The following EYA1 variants were observed in gnomAD, a reference collection of about 807,000 sequenced individuals.
The protein encoded by EYA1 is protein phosphatase EYA1.
A neutral mutation model predicts 82.0 loss-of-function variants in EYA1; 16 were observed. That is an observed-to-expected ratio of 0.20 (90% CI 0.13 to 0.30). EYA1 has a LOEUF of 0.30. EYA1 is among the 10% of genes least tolerant of loss of function. The pLI, the probability that EYA1 is intolerant of heterozygous loss-of-function variation, is 1.00. For synonymous variants in EYA1, 261 were observed against 264.4 expected (o/e 0.99, Z 0.12); for missense variants, 633 against 730.7 (o/e 0.87, Z 1.54).
At chr8:71,502,064 G>C (rs1458249201) in intron 2 of EYA1, among the ~76,000 whole-genome samples, 1 of 152,178 alleles carries the variant, frequency 6.6e-6, no homozygotes, top group Non-Finnish European at 1.5e-5. Flanking sequence ...TTAGGTGCTT[G>C]ATAAGTGTTT....
chr8:71,393,100 T>C (rs1310355930), intron 2 of EYA1, among the ~76,000 whole-genome samples: 5 of 152,144 alleles, frequency 3.3e-5, no homozygotes, highest in Admixed American at 6.6e-5. Flanking sequence ...TATGTACCTC[T>C]ATTTTCAATC....
At chr8:71,454,506 C>A (rs182866119) in intron 2 of EYA1, among the ~76,000 whole-genome samples, 71 of 152,228 alleles carry the variant, frequency 4.7e-4, no homozygotes, top group African/African-American at 1.7e-3. Flanking sequence ...CAAAATTGAC[C>A]ACGAAGTTGG....
chr8:71,353,327 T>A (rs1363077546), intron 3 of EYA1, among the ~76,000 whole-genome samples: 1 of 152,228 alleles, frequency 6.6e-6, no homozygotes, highest in African/African-American at 2.4e-5. Flanking sequence ...GAAATAGGAC[T>A]GCTTGCTTTA....
At chr8:71,205,609 A>C (rs1350674635) in intron 17 of EYA1, among the ~76,000 whole-genome samples, 1 of 152,202 alleles carries the variant, frequency 6.6e-6, no homozygotes, top group East Asian at 1.9e-4. Flanking sequence ...TCTTTGAAGG[A>C]GGTACTTTTT....
At chr8:71,536,767 A>G (rs545812055) in intron 1 of EYA1, among the ~76,000 whole-genome samples, 2 of 152,220 alleles carry the variant, frequency 1.3e-5, no homozygotes, top group African/African-American at 2.4e-5. Flanking sequence ...TAACTTCAGT[A>G]TCACTTTTTA....
intron 3 of EYA1, among the ~76,000 whole-genome samples, chr8:71,339,322 C>T (rs147686630): frequency 1.3e-5 from 2 of 152,208 alleles, no homozygotes; most frequent in Non-Finnish European, 2.9e-5. Flanking sequence ...TCAGGATGGG[C>T]AATCTCTCAT....
intron 2 of EYA1, among the ~76,000 whole-genome samples, chr8:71,423,790 T>C (rs948603466): frequency 6.6e-6 from 1 of 152,216 alleles, no homozygotes; most frequent in Admixed American, 6.5e-5. Flanking sequence ...CAGAAGACTC[T>C]TGATTCAAAA....
At chr8:71,410,194 ACT>A (rs1472384052) in intron 2 of EYA1, among the ~76,000 whole-genome samples, 4 of 139,082 alleles carry the variant, frequency 2.9e-5, no homozygotes, top group African/African-American at 1.1e-4. Flanking sequence ...CATGCTAAAA[ACT>A]CTCAATAAAT....
At chr8:71,527,703 G>C (rs545621910) in intron 2 of EYA1, among the ~76,000 whole-genome samples, 3 of 152,184 alleles carry the variant, frequency 2.0e-5, no homozygotes, top group Non-Finnish European at 4.4e-5. Flanking sequence ...GGCTCACTGA[G>C]GTAACAACAG....
intron 2 of EYA1, among the ~76,000 whole-genome samples, chr8:71,477,011 T>C (rs982983719): frequency 3.9e-5 from 6 of 152,012 alleles, no homozygotes; most frequent in Non-Finnish European, 7.4e-5. Flanking sequence ...TTTGGAACAA[T>C]TGGATATCCT....
chr8:71,347,341 G>A (rs1487395281), intron 3 of EYA1, among the ~76,000 whole-genome samples: 1 of 147,204 alleles, frequency 6.8e-6, no homozygotes, highest in East Asian at 1.9e-4. Flanking sequence ...TATTTATTTT[G>A]AGATAGAGTC....
chr8:71,333,224 C>G (rs181841555), intron 4 of EYA1, among the ~76,000 whole-genome samples: 1 of 152,262 alleles, frequency 6.6e-6, no homozygotes, highest in East Asian at 1.9e-4. Flanking sequence ...ATTTTTATCA[C>G]TTTCACCTGG....
Position 71,507,251 on chromosome 8 carries a change from G to T in EYA1, c.33+28493C>A, listed in dbSNP as rs150242142. ...TAAGACATTTGCCCAAGGTCACAGA[G>T]CTGGTAAGTGTTACAGCCTAAATTT... On this transcript the variant is annotated intron_variant, in intron 2 of 18. Coordinates refer to the EYA1 transcript ENST00000643681. 5.0e-3 allele frequency among the ~76,000 whole-genome samples: 754 copies of T among 152,294 alleles called. 12 individuals carry two copies. The highest frequency in any genetic ancestry group is 0.018 in the African/African-American group (731 of 41,556).
chr8:71,415,958 A>AT (rs1325828484), intron 2 of EYA1, among the ~76,000 whole-genome samples: 3 of 152,148 alleles, frequency 2.0e-5, no homozygotes, highest in African/African-American at 7.2e-5. Flanking sequence ...AAGTATGTCC[A>AT]TTTTACACCT....
chr8:71,274,889 CGAGAGA>C (rs899811231), intron 9 of EYA1, among the ~76,000 whole-genome samples: 1 of 145,336 alleles, frequency 6.9e-6, no homozygotes, highest in African/African-American at 2.7e-5. Context: ...AGTGAGCGAG[CGAGAGA>C]GAGAGAGTGA....
intron 17 of EYA1, among the ~76,000 whole-genome samples, chr8:71,205,593 T>C (rs1390176039): frequency 1.3e-5 from 2 of 152,224 alleles, no homozygotes; most frequent in Non-Finnish European, 2.9e-5. Context: ...TATTTCTAAC[T>C]TCTTCTCTTT....
chr8:71,336,286 G>A (rs1263580442), intron 3 of EYA1, among the ~76,000 whole-genome samples: 1 of 152,202 alleles, frequency 6.6e-6, no homozygotes, highest in African/African-American at 2.4e-5. Flanking sequence ...GGGATAGAGT[G>A]GAAAGCGAAG....
At chr8:71,321,326 A>C (rs1289348875) in intron 6 of EYA1, among the ~76,000 whole-genome samples, 2 of 152,200 alleles carry the variant, frequency 1.3e-5, no homozygotes, top group Non-Finnish European at 2.9e-5. Context: ...AGTTTGTTGA[A>C]TTCTACTTGT....
intron 9 of EYA1, among the ~76,000 whole-genome samples, chr8:71,282,038 A>T (rs1032677541): frequency 1.3e-5 from 2 of 152,138 alleles, no homozygotes; most frequent in African/African-American, 4.8e-5. Flanking sequence ...TTGCCAAGGA[A>T]CCTGGCTTCC....
Sources: allele counts gnomAD v4.1 joint callset (sites outside exome capture counted in the v4.1 genomes callset), GRCh38; gene constraint gnomAD v4.1.1; transcripts MANE v1.5; gene names NCBI Gene and HGNC (gene_info 2026-07-23, HGNC 2026-07-21).